The following CERT1 variants were observed in gnomAD, a reference collection of about 807,000 sequenced individuals.
The protein encoded by CERT1 is ceramide transporter 1, also known as ceramide transfer protein.
Under a neutral mutation model 87.9 loss-of-function variants are expected in CERT1, and 31 were observed. The observed-to-expected ratio is 0.35, with a 90% CI of 0.27 to 0.48. The LOEUF is 0.48. Ranked by LOEUF, CERT1 falls within the 20% of genes least tolerant of loss-of-function variation. The pLI is 0.99. For synonymous variants in CERT1, 289 were observed against 250.9 expected (o/e 1.15, Z -1.44); for missense variants, 487 against 758.0 (o/e 0.64, Z 4.20).
At chr5:75,428,999 A>G (rs1763749022) in intron 3 of CERT1, among the ~76,000 whole-genome samples, 1 of 151,798 alleles carries the variant, frequency 6.6e-6, no homozygotes, top group Non-Finnish European at 1.5e-5. Context: ...CTTTACACTA[A>G]GTGACAGAAA....
intron 2 of CERT1, among the ~76,000 whole-genome samples, chr5:75,459,406 A>G (rs113741079): frequency 3.5e-4 from 54 of 152,352 alleles, no homozygotes; most frequent in African/African-American, 1.3e-3. Context: ...CACATATGCT[A>G]CAAACATCTA....
chr5:75,408,717 C>T (rs1445377110), intron 8 of CERT1, among the ~76,000 whole-genome samples: 1 of 152,046 alleles, frequency 6.6e-6, no homozygotes, highest in East Asian at 1.9e-4. Context: ...GAAGCCCAAT[C>T]TCTGCCAGTA....
chr5:75,485,353 A>G (rs1766474367), intron 2 of CERT1, among the ~76,000 whole-genome samples: 1 of 150,036 alleles, frequency 6.7e-6, no homozygotes, highest in South Asian at 2.1e-4. Flanking sequence ...AAAAGAAAGG[A>G]AAGAGAGCCT....
chr5:75,464,537 C>G (rs941022571), intron 2 of CERT1, among the ~76,000 whole-genome samples: 1 of 152,170 alleles, frequency 6.6e-6, no homozygotes, highest in African/African-American at 2.4e-5. Context: ...AGGGCCCAAA[C>G]TTGCATTGTT....
chr5:75,387,275 C>A (rs1761830281), intron 12 of CERT1, among the ~76,000 whole-genome samples: 1 of 152,172 alleles, frequency 6.6e-6, no homozygotes, highest in Admixed American at 6.5e-5. Flanking sequence ...AGGTGCAGAG[C>A]AGGGAGGCCT....
intron 3 of CERT1, among the ~76,000 whole-genome samples, chr5:75,428,434 T>C (rs1034057310): frequency 1.3e-5 from 2 of 152,200 alleles, no homozygotes; most frequent in African/African-American, 4.8e-5. Context: ...ATCCCAGCAC[T>C]TTGGTAGGCC....
At chr5:75,491,319 T>C (rs1402587147) in intron 2 of CERT1, among the ~76,000 whole-genome samples, 1 of 152,200 alleles carries the variant, frequency 6.6e-6, no homozygotes, top group East Asian at 1.9e-4. Context: ...TTAAAAATTT[T>C]TTCCTTGACC....
Position 75,392,446 on chromosome 5 carries a change from T to A in CERT1, c.1189-2759A>T, listed in dbSNP as rs980572899. ...AATAAACTCTGCAAAACTTTCATCA[T>A]GGAATCTTCATTCATGATAATATCT... On this transcript the variant is annotated intron_variant, in intron 11 of 16. Transcript: ENST00000643780. Among the ~76,000 whole-genome samples, 44 of 152,210 alleles carry A rather than the reference T, an allele frequency of 2.9e-4. 1 individual carries two copies. The highest frequency in any genetic ancestry group is 1.0e-3 in the African/African-American group (42 of 41,454).
chr5:75,389,698 G>C lies in CERT1; in HGVS notation c.1189-11C>G. On this transcript the variant is annotated splice_polypyrimidine_tract_variant and intron_variant, in intron 11 of 16. Transcript: ENST00000643780. ...CACCATCTCTTCAACCTTGAGAAGG[G>C]AGGAAAAAGGCATGAGAATCCAAAA... 3 of 1,597,966 alleles carry C rather than the reference G, an allele frequency of 1.9e-6. No individual in the cohort carries two copies. The highest frequency in any genetic ancestry group is 2.6e-6 in the Non-Finnish European group (3 of 1,165,604).
chr5:75,398,411 C>G (rs970151945), intron 11 of CERT1, among the ~76,000 whole-genome samples: 3 of 152,040 alleles, frequency 2.0e-5, no homozygotes, highest in Non-Finnish European at 4.4e-5. Flanking sequence ...CAGGTTCTAG[C>G]TAAATCATAA....
At chr5:75,391,253 A>G (rs918878027) in intron 11 of CERT1, among the ~76,000 whole-genome samples, 1 of 152,152 alleles carries the variant, frequency 6.6e-6, no homozygotes, top group African/African-American at 2.4e-5. Context: ...CTGGGAATAT[A>G]ATTTTCTATA....
intron 6 of CERT1, among the ~76,000 whole-genome samples, chr5:75,418,952 G>A (rs979031193): frequency 6.6e-6 from 1 of 152,186 alleles, no homozygotes; most frequent in Admixed American, 6.5e-5. Context: ...TAAATGGTAT[G>A]TCAATTGTAT....
intron 3 of CERT1, among the ~76,000 whole-genome samples, chr5:75,440,498 T>C (rs970177833): frequency 3.3e-5 from 5 of 152,088 alleles, no homozygotes; most frequent in East Asian, 1.9e-4. Context: ...ATATCAAATA[T>C]AGCAACTCAT....
intron 2 of CERT1, among the ~76,000 whole-genome samples, chr5:75,497,205 T>G (rs1447925950): frequency 6.6e-6 from 1 of 152,168 alleles, no homozygotes; most frequent in African/African-American, 2.4e-5. Context: ...GTGAGTCAAC[T>G]GCATCTTTGT....
intron 2 of CERT1, chr5:75,505,707 A>C (rs1398023888): frequency 1.4e-5 from 3 of 216,230 alleles, no homozygotes; most frequent in African/African-American, 6.8e-5. Context: ...TCCCAGCCTC[A>C]ACAAATAAAA....
At chr5:75,496,271 A>G (rs955691138) in intron 2 of CERT1, among the ~76,000 whole-genome samples, 13 of 151,664 alleles carry the variant, frequency 8.6e-5, no homozygotes, top group Admixed American at 2.6e-4. Flanking sequence ...CATACCTACC[A>G]GAATGGTTAA....
downstream of CERT1, chr5:75,376,248 A>G (rs1468477175): frequency 6.6e-6 from 1 of 152,364 alleles, no homozygotes; most frequent in East Asian, 1.9e-4. Flanking sequence ...TGTTTTACAC[A>G]CAACTGCATT....
chr5:75,476,722 G>A (rs1029832967), intron 2 of CERT1, among the ~76,000 whole-genome samples: 2 of 152,132 alleles, frequency 1.3e-5, no homozygotes, highest in Non-Finnish European at 2.9e-5. Context: ...CATCAGAACT[G>A]GATAGTAAAA....
At chr5:75,438,192 CA>C (rs1287522455) in intron 3 of CERT1, among the ~76,000 whole-genome samples, 1 of 152,020 alleles carries the variant, frequency 6.6e-6, no homozygotes, top group East Asian at 1.9e-4. Flanking sequence ...TAATTTCTCT[CA>C]AAAATCGTAT....
Sources: gnomAD v4.1 joint callset for allele counts (sites outside exome capture counted in the v4.1 genomes callset) on GRCh38, gnomAD v4.1.1 for gene constraint, MANE v1.5 for transcripts, NCBI Gene and HGNC (gene_info 2026-07-23, HGNC 2026-07-21) for gene names.